The following CHN1 variants were observed in gnomAD, a reference collection of about 807,000 sequenced individuals.
The protein encoded by CHN1 is chimerin 1, also known as N-chimaerin.
In CHN1, 37 loss-of-function variants were observed where a neutral mutation model predicts 59.5. The observed-to-expected ratio is 0.62, with a 90% CI of 0.48 to 0.82. The LOEUF is 0.82. CHN1 is among the 40% of genes least tolerant of loss of function. The pLI is 0.00. For missense variants in CHN1, 469 were observed against 571.0 expected (o/e 0.82, Z 1.82); for synonymous variants, 206 against 200.4 (o/e 1.03, Z -0.24).
chr2:174,980,786 T>A (rs923862714), intron 1 of CHN1, among the ~76,000 whole-genome samples: 1 of 152,186 alleles, frequency 6.6e-6, no homozygotes, highest in African/African-American at 2.4e-5. Flanking sequence ...ATATTCTGTA[T>A]GTTAGAAATA....
intron 7 of CHN1, among the ~76,000 whole-genome samples, chr2:174,841,458 AGAT>A (rs1464424098): frequency 2.6e-5 from 4 of 152,238 alleles, no homozygotes; most frequent in Non-Finnish European, 5.9e-5. Context: ...GGGACTTTAA[AGAT>A]GATTCTGACC....
At chr2:174,836,716 G>T (rs765852881) in intron 7 of CHN1, among the ~76,000 whole-genome samples, 1 of 152,200 alleles carries the variant, frequency 6.6e-6, no homozygotes, top group African/African-American at 2.4e-5. Context: ...ATCGTATAGA[G>T]CTGACCTCTT....
chr2:174,951,787 C>A (rs1690031826), intron 2 of CHN1, among the ~76,000 whole-genome samples: 1 of 152,114 alleles, frequency 6.6e-6, no homozygotes, highest in African/African-American at 2.4e-5. Flanking sequence ...AACATAGCCT[C>A]CTGAATTATT....
rs544505021 is a variant in CHN1 at position 174,922,289 on chromosome 2, C to G, written c.115-3724G>C. Among the ~76,000 whole-genome samples the G allele has an allele frequency of 2.0e-5, 3 of 152,294 alleles. No individual in the cohort carries two copies. The South Asian group carries it at 6.2e-4, about 32-fold the overall frequency. On this transcript the variant is annotated intron_variant, in intron 3 of 12. Transcript: ENST00000409900. ...AACCATTTAGTAGTGTCCTTTCCAA[C>G]TAAAAATGTGAAATGCTCAGTATTT...
intron 6 of CHN1, among the ~76,000 whole-genome samples, chr2:174,867,851 T>C (rs1445197303): frequency 2.0e-5 from 3 of 152,188 alleles, no homozygotes; most frequent in Admixed American, 6.5e-5. Context: ...AGCAGAATAT[T>C]ATTAGTTATA....
chr2:174,917,789 C>T (rs1167577419), intron 4 of CHN1, among the ~76,000 whole-genome samples: 1 of 151,950 alleles, frequency 6.6e-6, no homozygotes. Flanking sequence ...ATAATGTATA[C>T]TTTTATCTGA....
intron 1 of CHN1, among the ~76,000 whole-genome samples, chr2:174,961,089 C>A (rs1488083180): frequency 8.6e-6 from 1 of 116,928 alleles, no homozygotes. Context: ...GTTTGTGCCA[C>A]TGCACACTAG....
intron 7 of CHN1, among the ~76,000 whole-genome samples, chr2:174,832,807 T>C (rs1050136684): frequency 3.3e-5 from 5 of 152,128 alleles, no homozygotes; most frequent in South Asian, 2.1e-4. Context: ...GTAAAACCTA[T>C]TATGTACTAG....
At chr2:174,906,831 C>T (rs1162465064) in intron 5 of CHN1, among the ~76,000 whole-genome samples, 1 of 151,998 alleles carries the variant, frequency 6.6e-6, no homozygotes, top group Non-Finnish European at 1.5e-5. Flanking sequence ...ACATTTTTTT[C>T]TCTATCAAGT....
At chr2:174,955,952 G>A (rs944168350) in intron 1 of CHN1, among the ~76,000 whole-genome samples, 13 of 152,270 alleles carry the variant, frequency 8.5e-5, no homozygotes, top group African/African-American at 3.1e-4. Flanking sequence ...CTGCCAGGGT[G>A]ACAGGACCTG....
intron 5 of CHN1, among the ~76,000 whole-genome samples, chr2:174,900,267 G>A (rs1467337487): frequency 1.3e-5 from 2 of 152,150 alleles, no homozygotes; most frequent in Non-Finnish European, 2.9e-5. Flanking sequence ...GAGAAGGGAG[G>A]ATTGCTTCTC....
At chr2:174,999,086 T>C (rs956205443) in intron 1 of CHN1, among the ~76,000 whole-genome samples, 2 of 152,146 alleles carry the variant, frequency 1.3e-5, no homozygotes, top group Non-Finnish European at 2.9e-5. Context: ...ATATGACTTT[T>C]CAATGTAAAT....
chr2:174,951,853 CTGTT>C (rs1429657370), intron 2 of CHN1, among the ~76,000 whole-genome samples: 3 of 152,110 alleles, frequency 2.0e-5, no homozygotes, highest in Non-Finnish European at 2.9e-5. Flanking sequence ...AATAATTAGA[CTGTT>C]TGAATTCTCA....
At chr2:174,836,495 G>A (rs918065544) in intron 7 of CHN1, among the ~76,000 whole-genome samples, 1 of 152,140 alleles carries the variant, frequency 6.6e-6, no homozygotes, top group Non-Finnish European at 1.5e-5. Context: ...TATACAGACT[G>A]AACTGCTTCA....
chr2:174,933,718 G>A (rs545983841), intron 3 of CHN1, among the ~76,000 whole-genome samples: 2 of 152,326 alleles, frequency 1.3e-5, no homozygotes, highest in Admixed American at 6.5e-5. Context: ...GTGGGCTGAC[G>A]AAAATGATCT....
chr2:174,812,354 G>A lies in CHN1; in HGVS notation c.841C>T (p.Arg281Trp), dbSNP rs1423263261. 8 of 1,613,854 alleles carry A rather than the reference G, an allele frequency of 5.0e-6. No individual in the cohort carries two copies. Among genetic ancestry groups the A allele is most frequent in the African/African-American group, 4.0e-5 (3 of 75,050 alleles). ...ATGCACATGTCTACCACCATTGGCC[G>A]CTTAGTGGTATGTGCTTTCACGAGC... The part of the protein sequence containing the change: ...TTLVKAHTTK[R>W]PMVVDMCIRE... The change falls in exon 9 of 13, where the codon CGG (arginine) becomes TGG (tryptophan). Residue 281 changes from arginine (R) to tryptophan (W), a missense_variant. By Grantham distance (101) the Arg-to-Trp change is moderately radical (BLOSUM62 -3). Coordinates refer to ENST00000409900, the MANE Select transcript of CHN1 (RefSeq NM_001822.7).
intron 5 of CHN1, among the ~76,000 whole-genome samples, chr2:174,903,870 C>T (rs1408359425): frequency 6.6e-6 from 1 of 152,026 alleles, no homozygotes; most frequent in Non-Finnish European, 1.5e-5. Context: ...TGGAATAAAC[C>T]TTATCTTTAA....
At chr2:174,955,199 TA>T (rs1420720664) in intron 1 of CHN1, among the ~76,000 whole-genome samples, 4 of 41,380 alleles carry the variant, frequency 9.7e-5, no homozygotes, top group African/African-American at 3.1e-4. Flanking sequence ...TATATATATA[TA>T]ATTGATATAT....
At chr2:174,816,448 G>A (rs1685269272) in intron 8 of CHN1, among the ~76,000 whole-genome samples, 2 of 152,202 alleles carry the variant, frequency 1.3e-5, no homozygotes, top group South Asian at 4.1e-4. Context: ...CTAGAGAATG[G>A]AAGGTATGAC....
Sources: gnomAD v4.1 joint callset for allele counts (sites outside exome capture counted in the v4.1 genomes callset) on GRCh38, gnomAD v4.1.1 for gene constraint, MANE v1.5 for transcripts, NCBI Gene and HGNC (gene_info 2026-07-23, HGNC 2026-07-21) for gene names.